TSPAN16: variants seen among roughly 807,000 people sequenced by gnomAD.
TSPAN16 encodes tetraspanin-16.
Under a neutral mutation model 25.2 loss-of-function variants are expected in TSPAN16, and 23 were observed. That is an observed-to-expected ratio of 0.91 (90% CI 0.66 to 1.29). The LOEUF (loss-of-function observed/expected upper bound fraction) is 1.29. Ranked by LOEUF, TSPAN16 falls within the 50% of genes most tolerant of loss-of-function variation. The pLI, the probability that TSPAN16 is intolerant of heterozygous loss-of-function variation, is 0.00. For synonymous variants in TSPAN16, 123 were observed against 124.4 expected (o/e 0.99, Z 0.08); for missense variants, 272 against 299.9 (o/e 0.91, Z 0.69).
chr19:11,326,877 T>A (rs1056485101), exon 7 of TSPAN16: 20 of 603,160 alleles, frequency 3.3e-5, no homozygotes, highest in Admixed American at 5.3e-5. Context: ...CCCAAAGTGC[T>A]GGGTTTACCA....
intron 5 of TSPAN16, among the ~76,000 whole-genome samples, chr19:11,307,273 C>T (rs905800778): frequency 6.0e-5 from 9 of 150,734 alleles, no homozygotes; most frequent in African/African-American, 2.0e-4. Context: ...GTGTGTGCCA[C>T]CACGCCCGGC....
intron 5 of TSPAN16, 100 bp from the exon 6 acceptor site, chr19:11,312,039 T>G: frequency 2.4e-6 from 2 of 846,446 alleles, no homozygotes; most frequent in Non-Finnish European, 3.8e-6. Flanking sequence ...TCAAAGAATC[T>G]GAGAGTCGTC....
At chr19:11,313,147 A>G (rs905978904) in intron 6 of TSPAN16, among the ~76,000 whole-genome samples, 8 of 152,214 alleles carry the variant, frequency 5.3e-5, no homozygotes, top group Non-Finnish European at 1.2e-4. Flanking sequence ...AACTCTGCCA[A>G]TAAAAAAGAG....
intron 6 of TSPAN16, chr19:11,325,162 G>C (rs1260276655): frequency 4.2e-6 from 2 of 477,666 alleles, no homozygotes; most frequent in Non-Finnish European, 7.7e-6. Context: ...GTGTCCCTGG[G>C]CCTCTGCCTG....
intron 5 of TSPAN16, 93 bp from the exon 6 acceptor site, chr19:11,312,046 C>T (rs540278287): frequency 1.0e-5 from 9 of 879,894 alleles, no homozygotes; most frequent in African/African-American, 4.9e-5. Context: ...ATCTGAGAGT[C>T]GTCTGAGTGG....
At chr19:11,303,473 T>A (rs2080589429) in intron 4 of TSPAN16, among the ~76,000 whole-genome samples, 3 of 140,534 alleles carry the variant, frequency 2.1e-5, no homozygotes, top group African/African-American at 8.3e-5. Context: ...GTTCACTTGT[T>A]TATCTGCTGA....
At chr19:11,324,145 C>T (rs955142898) in intron 6 of TSPAN16, 1 of 152,222 alleles carries the variant, frequency 6.6e-6, no homozygotes, top group African/African-American at 2.4e-5. Context: ...CTCCTCACCC[C>T]TTCCGCCCAA....
intron 5 of TSPAN16, among the ~76,000 whole-genome samples, chr19:11,309,725 G>A (rs1258938492): frequency 6.6e-6 from 1 of 152,178 alleles, no homozygotes; most frequent in Non-Finnish European, 1.5e-5. Flanking sequence ...CCACTCAAAT[G>A]TCAGCCCCAT....
downstream of TSPAN16, chr19:11,316,117 G>GTGTGTGTGT (rs375902342): frequency 3.3e-4 from 75 of 228,862 alleles, no homozygotes; most frequent in Non-Finnish European, 4.2e-4. Flanking sequence ...GTGTGTGTGT[G>GTGTGTGTGT]GTTTTTTTTT....
At chr19:11,317,684 G>T (rs141569244), downstream of TSPAN16, among the ~76,000 whole-genome samples, 1 of 151,598 alleles carries the variant, frequency 6.6e-6, no homozygotes, top group African/African-American at 2.4e-5. Flanking sequence ...TAGTAGAGAC[G>T]GGGTTTCATC....
chr19:11,326,249 C>T (rs934343834), intron 6 of TSPAN16, among the ~76,000 whole-genome samples: 3 of 150,230 alleles, frequency 2.0e-5, no homozygotes, highest in East Asian at 1.9e-4. Context: ...GGCATGGTGG[C>T]GTTCACCTGC....
chr19:11,320,909 G>T (rs1008521716), downstream of TSPAN16, among the ~76,000 whole-genome samples: 1 of 151,912 alleles, frequency 6.6e-6, no homozygotes, highest in Non-Finnish European at 1.5e-5. Flanking sequence ...GGTGGTTCAC[G>T]CCTGTAATCC....
intron 4 of TSPAN16, among the ~76,000 whole-genome samples, chr19:11,303,383 C>T (rs1185151259): frequency 9.5e-5 from 14 of 147,056 alleles, no homozygotes; most frequent in South Asian, 2.2e-4. Context: ...GTCGTCACCA[C>T]TCCCTAATCT....
intron 5 of TSPAN16, among the ~76,000 whole-genome samples, chr19:11,309,075 G>A (rs563478146): frequency 1.2e-3 from 176 of 149,638 alleles, no homozygotes; most frequent in Admixed American, 2.9e-3. Flanking sequence ...TGGGCATGGT[G>A]GCATGAACCT....
intron 6 of TSPAN16, chr19:11,325,386 TG>T: frequency 7.9e-7 from 1 of 1,260,926 alleles, no homozygotes; most frequent in Non-Finnish European, 1.0e-6. Context: ...GGTGGGGGGT[TG>T]GGGGCCATCT....
rs531767836 is a variant in TSPAN16 at position 11,326,706 on chromosome 19, C to T, written c.688-88C>T. On this transcript the variant is annotated intron_variant, in intron 6 of 6. Coordinates refer to the TSPAN16 transcript ENST00000316737. ...GCAGCCTCAACCTCCTGGGCTCAAG[C>T]GATCCTCCCGCCTTGGCCCCCTGAG... 118 of 670,298 alleles carry T rather than the reference C, an allele frequency of 1.8e-4. 1 individual carries two copies. In the South Asian group the frequency reaches 1.8e-3, roughly 10 times the overall value. The allele number at this position is 670,298 out of a possible 1,614,324, so 41.5% of individuals were successfully genotyped here. A position where few individuals can be genotyped will look rare whatever the true frequency, so the allele number is the denominator to read the frequency against.
At chr19:11,322,861 C>G (rs1182568687) in intron 6 of TSPAN16, 1 of 152,198 alleles carries the variant, frequency 6.6e-6, no homozygotes, top group Non-Finnish European at 1.5e-5. Flanking sequence ...CTATTCAAGA[C>G]AATCTGATCC....
At chr19:11,325,786 G>A (rs1294578314) in intron 6 of TSPAN16, among the ~76,000 whole-genome samples, 2 of 152,154 alleles carry the variant, frequency 1.3e-5, no homozygotes, top group African/African-American at 2.4e-5. Flanking sequence ...ATAAAAATCT[G>A]TGGCAGGCCA....
At chr19:11,311,998 A>G in intron 5 of TSPAN16, 141 bp from the exon 6 acceptor site, 1 of 608,304 alleles carries the variant, frequency 1.6e-6, no homozygotes. Context: ...AGATGGAGGG[A>G]AGGCCCTCAC....
Sources: gnomAD v4.1 joint callset for allele counts (sites outside exome capture counted in the v4.1 genomes callset) on GRCh38, gnomAD v4.1.1 for gene constraint, MANE v1.5 for transcripts, NCBI Gene and HGNC (gene_info 2026-07-23, HGNC 2026-07-21) for gene names.